Variants in SMYD2 observed in about 807,000 individuals in gnomAD.
SMYD2 encodes the protein SET and MYND domain containing 2.
Under a neutral mutation model 59.1 loss-of-function variants are expected in SMYD2, and 53 were observed. The ratio of observed to expected loss-of-function variants is 0.90; its 90% CI spans 0.72 to 1.13. SMYD2 has a LOEUF of 1.13. SMYD2 is among the 50% of genes most tolerant of loss of function. SMYD2 has a pLI of 0.00. For missense variants in SMYD2, 494 were observed against 544.7 expected (o/e 0.91, Z 0.93); for synonymous variants, 208 against 198.8 (o/e 1.05, Z -0.39).
chr1:214,322,213 T>TG (rs1336959230), intron 5 of SMYD2, among the ~76,000 whole-genome samples: 3 of 152,236 alleles, frequency 2.0e-5, no homozygotes, highest in African/African-American at 7.2e-5. Context: ...TGCTGAGGCG[T>TG]GGTAGTACTC....
intron 11 of SMYD2, among the ~76,000 whole-genome samples, chr1:214,335,884 C>G (rs545561690): frequency 6.6e-6 from 1 of 152,122 alleles, no homozygotes; most frequent in Non-Finnish European, 1.5e-5. Flanking sequence ...ATGAAACCTG[C>G]TACCTTTCTT....
At chr1:214,305,018 C>A (rs1480336538) in intron 1 of SMYD2, among the ~76,000 whole-genome samples, 169 bp from the exon 2 acceptor site, 1 of 152,112 alleles carries the variant, frequency 6.6e-6, no homozygotes, top group Admixed American at 6.5e-5. Context: ...TCCTCAAGGG[C>A]TGAATCTGGT....
rs1656433595 is a variant in SMYD2 at position 214,281,204 on chromosome 1, CGCCGGGAGCCGCAGCTCGGGCACA to C, written c.-45_-22del. ...AGGTGACGCGTCTCCAATAACAGCT[CGCCGGGAGCCGCAGCTCGGGCACA>C]GCCGGCGGCCGCGCCCCGCCGCCAC... On this transcript the variant is annotated 5_prime_UTR_variant, in exon 1 of 12. Transcript: ENST00000366957. 2 of 1,207,134 alleles carry C rather than the reference CGCCGGGAGCCGCAGCTCGGGCACA, an allele frequency of 1.7e-6. No homozygotes were observed. Among genetic ancestry groups the C allele is most frequent in the Non-Finnish European group, 2.1e-6 (2 of 966,974 alleles). The allele number at this position is 1,207,134 out of a possible 1,614,324, so 74.8% of individuals were successfully genotyped here.
chr1:214,289,044 G>A (rs531445989), intron 1 of SMYD2, among the ~76,000 whole-genome samples: 2 of 151,864 alleles, frequency 1.3e-5, no homozygotes, highest in Non-Finnish European at 2.9e-5. Flanking sequence ...AGCTATAGGA[G>A]GCAGCCCCTG....
chr1:214,314,658 A>G, intron 2 of SMYD2, 104 bp from the exon 3 acceptor site: 1 of 766,034 alleles, frequency 1.3e-6, no homozygotes, highest in Non-Finnish European at 2.2e-6. Context: ...AAGGAAACAT[A>G]TTTTACTTGA....
intron 1 of SMYD2, among the ~76,000 whole-genome samples, chr1:214,283,045 G>C (rs1656474332): frequency 1.3e-5 from 2 of 152,294 alleles, no homozygotes; most frequent in East Asian, 1.9e-4. Context: ...CAGGCACATA[G>C]TAGGTGCTTA....
chr1:214,311,128 G>C (rs1472814767), intron 2 of SMYD2, among the ~76,000 whole-genome samples: 1 of 152,116 alleles, frequency 6.6e-6, no homozygotes. Flanking sequence ...CTTTTATCTT[G>C]GTTCTGACAT....
chr1:214,314,958 C>A, intron 3 of SMYD2, 86 bp downstream of exon 3: 1 of 1,005,438 alleles, frequency 9.9e-7, no homozygotes, highest in South Asian at 1.4e-5. Context: ...CTTTGGTAAC[C>A]ATCTCTCGTT....
At chr1:214,329,762 C>T (rs1264088109) in intron 7 of SMYD2, among the ~76,000 whole-genome samples, 6 of 152,186 alleles carry the variant, frequency 3.9e-5, no homozygotes, top group African/African-American at 1.4e-4. Flanking sequence ...CTCCCCTGCA[C>T]GCAGCATCCA....
chr1:214,281,161 C>T lies in SMYD2; in HGVS notation c.-94C>T. On this transcript the variant is annotated 5_prime_UTR_variant, in exon 1 of 12. Transcript: ENST00000366957. ...GCCGCGTCCGCCGGGCGGCTCCCAC[C>T]CCGCCCCCCGCAGCTCTAGGTGACG... 1 of 992,168 alleles carries T rather than the reference C, an allele frequency of 1.0e-6. No individual in the cohort carries two copies. The highest frequency in any genetic ancestry group is 1.7e-5 in the African/African-American group (1 of 58,710). The allele number at this position is 992,168 out of a possible 1,614,324, so 61.5% of individuals were successfully genotyped here. A position where few individuals can be genotyped will look rare whatever the true frequency, so the allele number is the denominator to read the frequency against.
chr1:214,329,669 G>A (rs75733165), intron 7 of SMYD2, among the ~76,000 whole-genome samples: 7,091 of 152,318 alleles, frequency 0.047, 260 homozygotes, highest in Non-Finnish European at 0.074. Flanking sequence ...AGCCCACTGA[G>A]TGGAGCCTCT....
At chr1:214,292,852 C>G (rs1248931211) in intron 1 of SMYD2, among the ~76,000 whole-genome samples, 1 of 151,984 alleles carries the variant, frequency 6.6e-6, no homozygotes, top group East Asian at 1.9e-4. Flanking sequence ...TTCATTCTTC[C>G]TATTGTCTAT....
chr1:214,335,166 G>A (rs1657416145), intron 11 of SMYD2, among the ~76,000 whole-genome samples: 2 of 152,230 alleles, frequency 1.3e-5, no homozygotes, highest in Admixed American at 1.3e-4. Flanking sequence ...AGGGCCTGCA[G>A]GCCTAATCTT....
intron 1 of SMYD2, among the ~76,000 whole-genome samples, chr1:214,284,365 A>G (rs756841455): frequency 2.4e-4 from 36 of 147,026 alleles, no homozygotes; most frequent in Non-Finnish European, 1.9e-4. Flanking sequence ...GGTTCAAGCA[A>G]TTCCTCTGCC....
At chr1:214,301,955 G>A (rs541725842) in intron 1 of SMYD2, among the ~76,000 whole-genome samples, 2 of 152,192 alleles carry the variant, frequency 1.3e-5, no homozygotes, top group East Asian at 3.9e-4. Flanking sequence ...CTTAAGAATC[G>A]AGATTTAGTA....
intron 2 of SMYD2, 129 bp from the exon 3 acceptor site, chr1:214,314,633 C>G: frequency 1.5e-6 from 1 of 654,048 alleles, no homozygotes; most frequent in Non-Finnish European, 2.7e-6. Context: ...TTGTGAGCAT[C>G]CTCGTGTTTT....
At chr1:214,295,900 G>A (rs1656718645) in intron 1 of SMYD2, among the ~76,000 whole-genome samples, 1 of 152,284 alleles carries the variant, frequency 6.6e-6, no homozygotes, top group East Asian at 1.9e-4. Context: ...TGGGTGGGAG[G>A]CTAACTTTGT....
chr1:214,318,857 A>G lies in SMYD2; in HGVS notation c.410-2A>G. 6.2e-7 allele frequency: 1 copy of G among 1,613,710 alleles called. No individual in the cohort carries two copies. Among genetic ancestry groups the G allele is most frequent in the Non-Finnish European group, 8.5e-7 (1 of 1,179,966 alleles). On this transcript the variant is annotated splice_acceptor_variant, in intron 4 of 11. Coordinates refer to ENST00000366957, the MANE Select transcript of SMYD2 (RefSeq NM_020197.3). LOFTEE classifies it high-confidence loss of function. This position sits in a 1 kb window ranked among gnomAD's most constrained non-coding sequence, Gnocchi z 5.4. The stretch of plus-strand genomic sequence containing the variant: ...GGTGAATAATGGATTATTTATCCAC[A>G]GATCTGGATAAGTTAGACAATGAGA...
At chr1:214,298,472 A>G (rs764918501) in intron 1 of SMYD2, among the ~76,000 whole-genome samples, 16 of 152,216 alleles carry the variant, frequency 1.1e-4, no homozygotes, top group Non-Finnish European at 7.3e-5. Flanking sequence ...AGGAAATACC[A>G]TTCTGGACAT....
Sources: allele counts gnomAD v4.1 joint callset (sites outside exome capture counted in the v4.1 genomes callset), GRCh38; gene constraint gnomAD v4.1.1; non-coding constraint Gnocchi (gnomAD v3.1); transcripts MANE v1.5; gene names NCBI Gene and HGNC (gene_info 2026-07-23, HGNC 2026-07-21).